PALD1: variants seen among roughly 807,000 people sequenced by gnomAD.
PALD1 encodes paladin.
Under a neutral mutation model 96.0 loss-of-function variants are expected in PALD1, and 57 were observed. That is an observed-to-expected ratio of 0.59 (90% CI 0.48 to 0.74). PALD1 has a LOEUF of 0.74. PALD1 is among the 30% of genes least tolerant of loss of function. The pLI is 0.00. For missense variants in PALD1, 1,063 were observed against 1,143.7 expected, an observed-to-expected ratio of 0.93 and a Z score of 1.02; for synonymous variants, 464 against 473.6, an observed-to-expected ratio of 0.98 and a Z score of 0.26.
intron 18 of PALD1, among the ~76,000 whole-genome samples, chr10:70,554,916 C>T (rs1847562838): frequency 5.7e-5 from 2 of 35,350 alleles, no homozygotes; most frequent in Admixed American, 3.4e-4. Flanking sequence ...CCTCCCCTCT[C>T]CTCCCCTCCC....
At chr10:70,507,924 G>A (rs761759384) in intron 1 of PALD1, among the ~76,000 whole-genome samples, 2 of 152,254 alleles carry the variant, frequency 1.3e-5, no homozygotes, top group Non-Finnish European at 2.9e-5. Flanking sequence ...AGGCCCTGAG[G>A]ATGCCAGTGA....
At chr10:70,519,385 A>G (rs1846681833) in intron 1 of PALD1, among the ~76,000 whole-genome samples, 2 of 152,096 alleles carry the variant, frequency 1.3e-5, no homozygotes, top group Non-Finnish European at 2.9e-5. Flanking sequence ...ATACAGGCCC[A>G]CTTTTTCATT....
At chr10:70,564,884 C>G (rs963581466) in intron 19 of PALD1, among the ~76,000 whole-genome samples, 1 of 152,234 alleles carries the variant, frequency 6.6e-6, no homozygotes, top group East Asian at 1.9e-4. Flanking sequence ...GCACTTCATG[C>G]CCACAATTGT....
At chr10:70,498,381 G>C (rs530305426) in intron 1 of PALD1, among the ~76,000 whole-genome samples, 24 of 152,272 alleles carry the variant, frequency 1.6e-4, no homozygotes, top group African/African-American at 5.8e-4. Flanking sequence ...CTGGGCTCAA[G>C]CAATCCTCCT....
chr10:70,473,106 C>A, the PALD1 span, among the ~76,000 whole-genome samples: 2 of 152,166 alleles, frequency 1.3e-5, no homozygotes, highest in African/African-American at 4.8e-5. Context: ...AACCTCCGTA[C>A]ATTGCTAGAG....
chr10:70,489,396 G>A (rs1846066035), intron 1 of PALD1, among the ~76,000 whole-genome samples: 1 of 152,188 alleles, frequency 6.6e-6, no homozygotes, highest in South Asian at 2.1e-4. Context: ...TTGTTTTTAA[G>A]TTTTCCCTAA....
chr10:70,545,259 C>T (rs1847338269), intron 17 of PALD1, among the ~76,000 whole-genome samples: 1 of 152,090 alleles, frequency 6.6e-6, no homozygotes, highest in Non-Finnish European at 1.5e-5. Context: ...CCTTTAGACC[C>T]CAGTTTCTGT....
intron 4 of PALD1, 107 bp from the exon 5 acceptor site, chr10:70,531,183 T>A: frequency 1.1e-6 from 1 of 880,090 alleles, no homozygotes; most frequent in Non-Finnish European, 1.8e-6. Context: ...TGGTGTGGGG[T>A]GCAGGAGGAA....
chr10:70,564,224 C>A, intron 18 of PALD1, 140 bp from the exon 19 acceptor site: 1 of 872,840 alleles, frequency 1.1e-6, no homozygotes, highest in Non-Finnish European at 1.7e-6. Context: ...ATTGCTTGTC[C>A]TGTAACCCAG....
intron 18 of PALD1, among the ~76,000 whole-genome samples, chr10:70,549,046 C>CAAA (rs71472976): frequency 8.8e-4 from 66 of 74,616 alleles, no homozygotes; most frequent in Non-Finnish European, 1.1e-3. Flanking sequence ...TTGTCTCTAC[C>CAAA]AAAAAAAAAA....
At chr10:70,533,238 CTG>C (rs1453218098) in intron 7 of PALD1, among the ~76,000 whole-genome samples, 168 bp downstream of exon 7, 2 of 151,850 alleles carry the variant, frequency 1.3e-5, no homozygotes, top group East Asian at 1.9e-4. Flanking sequence ...CTGTATATGT[CTG>C]TGTGTGTCAG....
chr10:70,484,724 A>T (rs1185975031), intron 1 of PALD1, among the ~76,000 whole-genome samples: 1 of 152,106 alleles, frequency 6.6e-6, no homozygotes, highest in East Asian at 1.9e-4. Context: ...TTTTTAGTAT[A>T]GATGGGGTTT....
chr10:70,538,033 G>C, intron 11 of PALD1, 127 bp downstream of exon 11: 1 of 793,964 alleles, frequency 1.3e-6, no homozygotes, highest in East Asian at 2.6e-5. Context: ...GAGGCCAGGA[G>C]AGACCCAGAT....
intron 1 of PALD1, among the ~76,000 whole-genome samples, chr10:70,495,452 A>G (rs1001827107): frequency 2.6e-5 from 4 of 152,158 alleles, no homozygotes; most frequent in Non-Finnish European, 5.9e-5. Flanking sequence ...TAGTGATGCA[A>G]TGAAATGGCT....
intron 1 of PALD1, among the ~76,000 whole-genome samples, chr10:70,501,855 G>A (rs10443945): frequency 0.89 from 134,069 of 151,012 alleles, 60,035 homozygotes; most frequent in East Asian, 1. Context: ...ATGCATACCT[G>A]TGTTCATGCA....
intron 18 of PALD1, among the ~76,000 whole-genome samples, chr10:70,557,315 G>A (rs1847630660): frequency 6.6e-6 from 1 of 152,174 alleles, no homozygotes; most frequent in South Asian, 2.1e-4. Flanking sequence ...AGGGTGGCTG[G>A]GCTGCCAGGC....
chr10:70,501,200 C>T (rs920537568), intron 1 of PALD1, among the ~76,000 whole-genome samples: 20 of 152,066 alleles, frequency 1.3e-4, no homozygotes, highest in Non-Finnish European at 1.5e-4. Flanking sequence ...GCCTCCAGAC[C>T]ACACTCCAAT....
At chr10:70,537,489 C>T (rs533425391) in intron 10 of PALD1, among the ~76,000 whole-genome samples, 1 of 152,344 alleles carries the variant, frequency 6.6e-6, no homozygotes, top group South Asian at 2.1e-4. Flanking sequence ...CAACCCTGAC[C>T]TGTTGGGTGT....
intron 1 of PALD1, among the ~76,000 whole-genome samples, chr10:70,498,860 A>G (rs1216715666): frequency 6.6e-6 from 1 of 151,870 alleles, no homozygotes; most frequent in Non-Finnish European, 1.5e-5. Context: ...CCTAGGAGGC[A>G]GAAGTTACAG....
Sources: gnomAD v4.1 joint callset for allele counts (sites outside exome capture counted in the v4.1 genomes callset) on GRCh38, gnomAD v4.1.1 for gene constraint, MANE v1.5 for transcripts, NCBI Gene and HGNC (gene_info 2026-07-23, HGNC 2026-07-21) for gene names.